HTRA3: variants seen among roughly 807,000 people sequenced by gnomAD.
The protein encoded by HTRA3 is serine protease HTRA3.
HTRA3 carries 41 observed loss-of-function variants against 43.2 expected under a neutral mutation model. That is an observed-to-expected ratio of 0.95 (90% CI 0.74 to 1.23). The LOEUF (loss-of-function observed/expected upper bound fraction) is 1.23, where lower values mean the gene tolerates loss of function less well. Ranked by LOEUF, HTRA3 falls within the 50% of genes most tolerant of loss-of-function variation. HTRA3 has a pLI of 0.00. For synonymous variants in HTRA3, 295 were observed against 287.9 expected, an observed-to-expected ratio of 1.02 and a Z score of -0.25; for missense variants, 628 against 647.1, an observed-to-expected ratio of 0.97 and a Z score of 0.32.
At chr4:8,271,553 G>C (rs879430166) in intron 1 of HTRA3, among the ~76,000 whole-genome samples, 6 of 152,196 alleles carry the variant, frequency 3.9e-5, no homozygotes, top group African/African-American at 1.4e-4. Flanking sequence ...AGTCCACCTT[G>C]TGCTGGTACA....
intron 1 of HTRA3, among the ~76,000 whole-genome samples, chr4:8,274,060 G>C (rs4535324): frequency 0.76 from 116,238 of 152,132 alleles, 45,082 homozygotes; most frequent in Middle Eastern, 0.89. Flanking sequence ...TCCTGCCCAT[G>C]ACCTGCAGGC....
chr4:8,287,492 A>G (rs889214371), intron 3 of HTRA3, among the ~76,000 whole-genome samples: 5 of 152,196 alleles, frequency 3.3e-5, no homozygotes, highest in African/African-American at 1.2e-4. Context: ...CTCAGGAGAC[A>G]TACAATCATG....
At chr4:8,270,384 A>G (rs756215040) in intron 1 of HTRA3, 31 bp downstream of exon 1, 5 of 1,375,558 alleles carry the variant, frequency 3.6e-6, no homozygotes, top group Non-Finnish European at 4.7e-6. Context: ...GAGGAAGTGA[A>G]GCTTCTTTCT....
intron 8 of HTRA3, among the ~76,000 whole-genome samples, chr4:8,304,662 T>C (rs949712686): frequency 1.5e-5 from 2 of 137,288 alleles, no homozygotes; most frequent in Non-Finnish European, 3.1e-5. Flanking sequence ...TTTTTTTTTT[T>C]TTTTTTTTTT....
intron 1 of HTRA3, among the ~76,000 whole-genome samples, chr4:8,276,862 C>T (rs1409128768): frequency 6.6e-6 from 1 of 152,264 alleles, no homozygotes; most frequent in African/African-American, 2.4e-5. Context: ...GGCTGTGCAC[C>T]TTGGGCAGGT....
chr4:8,291,592 C>T, intron 4 of HTRA3, 28 bp downstream of exon 4: 1 of 1,495,790 alleles, frequency 6.7e-7, no homozygotes, highest in East Asian at 2.4e-5. Context: ...GAGGCCGGGG[C>T]ACCTGCCATC....
chr4:8,290,443 A>G (rs1713188486), intron 3 of HTRA3, among the ~76,000 whole-genome samples: 1 of 152,208 alleles, frequency 6.6e-6, no homozygotes. Flanking sequence ...AGTTGGGGCA[A>G]TGCTCTTGAG....
At chr4:8,283,689 G>A (rs374089062) in intron 2 of HTRA3, among the ~76,000 whole-genome samples, 8 of 152,316 alleles carry the variant, frequency 5.3e-5, no homozygotes, top group Admixed American at 5.2e-4. Context: ...GGGATCAGAC[G>A]GCGGGTCCAG....
At chr4:8,282,832 C>T (rs919012704) in intron 2 of HTRA3, among the ~76,000 whole-genome samples, 11 of 152,206 alleles carry the variant, frequency 7.2e-5, no homozygotes, top group African/African-American at 2.7e-4. Flanking sequence ...ATGTGTTGGT[C>T]GTCCTGAGGG....
At chr4:8,270,605 A>T (rs1265001627) in intron 1 of HTRA3, among the ~76,000 whole-genome samples, 1 of 152,230 alleles carries the variant, frequency 6.6e-6, no homozygotes, top group East Asian at 1.9e-4. Flanking sequence ...GAGGGGCCTC[A>T]TCTAGGACTG....
chr4:8,276,413 G>C (rs1332797492), intron 1 of HTRA3, among the ~76,000 whole-genome samples: 1 of 152,256 alleles, frequency 6.6e-6, no homozygotes, highest in Admixed American at 6.5e-5. Flanking sequence ...TTACAGAAGT[G>C]GAGTTAGTGA....
intron 3 of HTRA3, among the ~76,000 whole-genome samples, chr4:8,288,366 C>T (rs1008561248): frequency 2.6e-5 from 4 of 151,982 alleles, no homozygotes; most frequent in South Asian, 2.1e-4. Context: ...CTCCGCCTCC[C>T]GGGTTCAAGC....
At chr4:8,272,015 A>T (rs75030568) in intron 1 of HTRA3, among the ~76,000 whole-genome samples, 4,150 of 152,284 alleles carry the variant, frequency 0.027, 173 homozygotes, top group African/African-American at 0.094. Flanking sequence ...TCACAGTGGC[A>T]CATCAGTTTG....
chr4:8,289,652 C>T lies in HTRA3; in HGVS notation c.709-1718C>T, dbSNP rs144851582. 1.1e-3 allele frequency among the ~76,000 whole-genome samples: 173 copies of T among 152,308 alleles called. 1 individual carries two copies. The highest frequency in any genetic ancestry group is 8.5e-3 in the East Asian group (44 of 5,168). ...TGCAGGCCCTGGTCAGCACCCATGGCCATGAGCTGAGGTGGGAAACGCCCT... is the reference window on the plus strand; with the variant it reads ...TGCAGGCCCTGGTCAGCACCCATGGTCATGAGCTGAGGTGGGAAACGCCCT... On this transcript the variant is annotated intron_variant, in intron 3 of 8. Coordinates refer to ENST00000307358, the MANE Select transcript of HTRA3 (RefSeq NM_053044.5).
intron 1 of HTRA3, among the ~76,000 whole-genome samples, chr4:8,276,338 TGTGCTTTGCACGGTGCCGG>T (rs1469167917): frequency 5.3e-5 from 8 of 152,244 alleles, no homozygotes; most frequent in Non-Finnish European, 1.2e-4. Flanking sequence ...ATGGACTGAG[TGTGCTTTGCACGGTGCCGG>T]GCTCATAGAA....
In HTRA3 at chr4:8,279,878, G is replaced by C. The variant is rs926218407; in HGVS notation, c.386-2559G>C. Among the ~76,000 whole-genome samples the C allele has an allele frequency of 1.3e-5, 2 of 152,174 alleles. No individual in the cohort carries two copies. Among genetic ancestry groups the C allele is most frequent in the African/African-American group, 4.8e-5 (2 of 41,434 alleles). On this transcript the variant is annotated intron_variant, in intron 1 of 8. Transcript: ENST00000307358. The surrounding 1 kb of genome is among the most constrained non-coding windows in gnomAD (Gnocchi z 7.4). ...TGGTGATGCTGTGCTGTCTCTGGTC[G>C]GTCACTGACTTGACCCTTGCCCCCA...
chr4:8,292,264 C>T (rs1356465102), intron 4 of HTRA3, 57 bp from the exon 5 acceptor site: 2 of 1,533,878 alleles, frequency 1.3e-6, no homozygotes, highest in Non-Finnish European at 1.8e-6. Flanking sequence ...GGAGAAGGGG[C>T]TCCAGGAAGC....
intron 1 of HTRA3, among the ~76,000 whole-genome samples, chr4:8,281,241 G>A (rs548929027): frequency 2.0e-5 from 3 of 152,332 alleles, no homozygotes; most frequent in South Asian, 4.1e-4. Flanking sequence ...GCCTTTGGAC[G>A]ATCCAGAAAA....
chr4:8,276,431 G>A (rs1376988304), intron 1 of HTRA3, among the ~76,000 whole-genome samples: 1 of 152,266 alleles, frequency 6.6e-6, no homozygotes, highest in African/African-American at 2.4e-5. Context: ...TGAGAGTGAG[G>A]GAGAGGGGTC....
Sources: gnomAD v4.1 joint callset for allele counts (sites outside exome capture counted in the v4.1 genomes callset) on GRCh38, gnomAD v4.1.1 for gene constraint, Gnocchi (gnomAD v3.1) non-coding constraint, MANE v1.5 for transcripts, NCBI Gene and HGNC (gene_info 2026-07-23, HGNC 2026-07-21) for gene names.